CLIP1: variants seen among roughly 807,000 people sequenced by gnomAD.
CLIP1 encodes CAP-Gly domain-containing linker protein 1.
CLIP1 carries 66 observed loss-of-function variants against 161.6 expected under a neutral mutation model. The ratio of observed to expected loss-of-function variants is 0.41; its 90% CI spans 0.33 to 0.50. The LOEUF (loss-of-function observed/expected upper bound fraction) is 0.50, where lower values mean the gene tolerates loss of function less well. CLIP1 is among the 20% of genes least tolerant of loss of function. The pLI is 0.27. For synonymous variants in CLIP1, 598 were observed against 626.2 expected (o/e 0.96, Z 0.67); for missense variants, 1,376 against 1,702.0 (o/e 0.81, Z 3.37).
At chr12:122,347,348 G>C (rs1004881539) in intron 10 of CLIP1, 27 bp downstream of exon 10, 4 of 1,513,180 alleles carry the variant, frequency 2.6e-6, no homozygotes, top group Non-Finnish European at 3.7e-6. Flanking sequence ...GCATGGGTCT[G>C]CTTCATTAAA....
intron 12 of CLIP1, among the ~76,000 whole-genome samples, chr12:122,335,304 G>A (rs1005641960): frequency 6.6e-6 from 1 of 152,100 alleles, no homozygotes; most frequent in Non-Finnish European, 1.5e-5. Flanking sequence ...TTTCTAACTA[G>A]ATAGGATTAT....
At chr12:122,336,553 C>T (rs1272450094) in intron 12 of CLIP1, 79 bp downstream of exon 12, 18 of 734,152 alleles carry the variant, frequency 2.5e-5, no homozygotes, top group South Asian at 8.4e-5. Context: ...GAAACAGCTA[C>T]AATATTTCTT....
At chr12:122,297,985 C>G (rs369441796) in intron 20 of CLIP1, among the ~76,000 whole-genome samples, 1 of 152,158 alleles carries the variant, frequency 6.6e-6, no homozygotes, top group African/African-American at 2.4e-5. Flanking sequence ...TGGCCATCTC[C>G]GTCCAGTTTG....
intron 11 of CLIP1, 24 bp from the exon 12 acceptor site, chr12:122,336,772 T>G: frequency 9.9e-7 from 1 of 1,005,206 alleles, no homozygotes; most frequent in African/African-American, 1.7e-5. Context: ...TTACATGGTA[T>G]AGAAGCAAAT....
At chr12:122,294,956 T>G (rs185437527) in intron 20 of CLIP1, among the ~76,000 whole-genome samples, 71 of 148,910 alleles carry the variant, frequency 4.8e-4, no homozygotes, top group African/African-American at 1.7e-3. Flanking sequence ...CTCAGAAGGC[T>G]AAGACAGGAG....
intron 10 of CLIP1, among the ~76,000 whole-genome samples, chr12:122,345,501 C>A (rs1487649562): frequency 6.6e-6 from 1 of 151,622 alleles, no homozygotes; most frequent in Non-Finnish European, 1.5e-5. Context: ...CAGGAGAAAT[C>A]TTTAGTTCAG....
At chr12:122,369,983 C>T (rs758104883) in intron 3 of CLIP1, among the ~76,000 whole-genome samples, 16 of 151,528 alleles carry the variant, frequency 1.1e-4, no homozygotes, top group Non-Finnish European at 1.8e-4. Flanking sequence ...GGCAACATGG[C>T]GAAACCCTGT....
At chr12:122,294,904 A>G (rs1364194317) in intron 20 of CLIP1, among the ~76,000 whole-genome samples, 1 of 151,944 alleles carries the variant, frequency 6.6e-6, no homozygotes, top group Non-Finnish European at 1.5e-5. Flanking sequence ...AATACAAAAA[A>G]TTAGCTGGGC....
intron 3 of CLIP1, among the ~76,000 whole-genome samples, chr12:122,371,722 C>A (rs561224703): frequency 1.1e-4 from 17 of 152,290 alleles, no homozygotes; most frequent in Admixed American, 3.3e-4. Flanking sequence ...GGCATGGGAT[C>A]TGACAGGCAG....
chr12:122,400,900 C>T (rs917073810), intron 1 of CLIP1: 6 of 137,922 alleles, frequency 4.4e-5, no homozygotes, highest in African/African-American at 1.6e-4. Context: ...CAGGGTTTCC[C>T]AACTCCGGAT....
At chr12:122,277,879 T>C (rs1955494845) in intron 24 of CLIP1, 1 of 425,694 alleles carries the variant, frequency 2.3e-6, no homozygotes, top group Non-Finnish European at 4.2e-6. Context: ...CTGGCTTGTA[T>C]ACACACTTTA....
chr12:122,344,683 G>A (rs987977369), intron 10 of CLIP1, among the ~76,000 whole-genome samples: 30 of 152,148 alleles, frequency 2.0e-4, no homozygotes, highest in African/African-American at 7.2e-4. Flanking sequence ...AAACTATGTG[G>A]TATGTCTGCT....
intron 1 of CLIP1, chr12:122,400,401 T>G (rs1956102468): frequency 6.6e-6 from 1 of 152,090 alleles, no homozygotes; most frequent in Admixed American, 6.5e-5. Flanking sequence ...ATCTCCTGGC[T>G]GAACTGAGCT....
intron 17 of CLIP1, among the ~76,000 whole-genome samples, chr12:122,320,859 A>G (rs928407383): frequency 1.3e-5 from 2 of 150,318 alleles, no homozygotes; most frequent in Admixed American, 6.6e-5. Context: ...ACAGGCCCAC[A>G]TCACCACACC....
intron 23 of CLIP1, 59 bp downstream of exon 23, chr12:122,278,733 A>G: frequency 6.7e-7 from 1 of 1,501,708 alleles, no homozygotes; most frequent in East Asian, 2.3e-5. Flanking sequence ...TCTCTACTAG[A>G]AAGGGCTCCT....
rs1403470671 is a variant in CLIP1, at chr12:122,397,579, A to G, written c.-106-17021T>C. 6.0e-4 allele frequency among the ~76,000 whole-genome samples: 83 copies of G among 138,560 alleles called. 1 individual carries two copies. Among genetic ancestry groups the G allele is most frequent in the African/African-American group, 2.1e-3 (80 of 38,010 alleles). The allele number at this position is 138,560 out of a possible 152,430, so 90.9% of individuals were successfully genotyped here. A position where few individuals can be genotyped will look rare whatever the true frequency, so the allele number is the denominator to read the frequency against. ...AAAAAAAAAAAAAAAAAAAAAAAAAAGGAAGAAAGAAGTCTAGACACCTGA... is the reference window on the plus strand; with the variant it reads ...AAAAAAAAAAAAAAAAAAAAAAAAAGGGAAGAAAGAAGTCTAGACACCTGA... On this transcript the variant is annotated intron_variant, in intron 1 of 25. Transcript: ENST00000620786.
At chr12:122,375,703 T>C (rs1471566522) in intron 3 of CLIP1, among the ~76,000 whole-genome samples, 2 of 152,142 alleles carry the variant, frequency 1.3e-5, no homozygotes, top group Admixed American at 6.6e-5. Flanking sequence ...CACACCCATA[T>C]AATTTCACTA....
Position 122,358,744 on chromosome 12 carries a change from T to TAA in CLIP1, c.1005+2213_1005+2214dup, listed in dbSNP as rs71082973. Among the ~76,000 whole-genome samples, 3 of 144,196 alleles carry TAA rather than the reference T, an allele frequency of 2.1e-5. No homozygotes were observed. The East Asian group carries it at 6.0e-4, about 29-fold the overall frequency. 94.6% of individuals were successfully genotyped at this position (144,196 alleles called of 152,430 possible). Reference sequence around the variant, plus strand: ...TATTTCCTCAATAAATAGTTGACTTTAAAAAAAAAAAAAAAAAAGAATGAA... The same window carrying TAA: ...TATTTCCTCAATAAATAGTTGACTTTAAAAAAAAAAAAAAAAAAAAGAATGAA... On this transcript the variant is annotated intron_variant, in intron 5 of 25. Transcript: ENST00000620786.
Position 122,336,692 on chromosome 12 carries a change from C to A in CLIP1, c.2508G>T (p.Gln836His). 1.9e-6 allele frequency: 3 copies of A among 1,612,568 alleles called. No homozygotes were observed. Among genetic ancestry groups the A allele is most frequent in the Non-Finnish European group, 2.5e-6 (3 of 1,179,424 alleles). Residue 836 changes from glutamine (Q) to histidine (H), a missense_variant, in exon 12 of 26, where the codon CAG (glutamine) becomes CAT (histidine). By Grantham distance (24) the Gln-to-His change is conservative (BLOSUM62 0). Transcript: ENST00000620786. ...CTTGACTGACTTCACTCAAATTTTC[C>A]TGAAGGTTAGTAAGCTTTAGCTCTC... Reference protein sequence around the residue: ...QGRELKLTNLQENLSEVSQVK... With the variant: ...QGRELKLTNLHENLSEVSQVK...
Sources: allele counts gnomAD v4.1 joint callset (sites outside exome capture counted in the v4.1 genomes callset), GRCh38; gene constraint gnomAD v4.1.1; transcripts MANE v1.5; gene names NCBI Gene and HGNC (gene_info 2026-07-23, HGNC 2026-07-21).